Variants in CEP83 observed in about 807,000 individuals in gnomAD.
CEP83 encodes centrosomal protein 83, also known as centrosomal protein of 83 kDa.
Under a neutral mutation model 101.9 loss-of-function variants are expected in CEP83, and 70 were observed. That is an observed-to-expected ratio of 0.69 (90% CI 0.57 to 0.84). CEP83 has a LOEUF of 0.84. Among genes scored for constraint, CEP83 ranks in the 40% least tolerant of loss-of-function variants. The pLI is 0.00. For missense variants in CEP83, 715 were observed against 787.2 expected, an observed-to-expected ratio of 0.91 and a Z score of 1.10; for synonymous variants, 264 against 267.9, an observed-to-expected ratio of 0.99 and a Z score of 0.14.
chr12:94,333,078 C>G (rs1353799704), intron 13 of CEP83, among the ~76,000 whole-genome samples: 4 of 140,620 alleles, frequency 2.8e-5, no homozygotes, highest in Non-Finnish European at 6.3e-5. Flanking sequence ...AATAAATTAG[C>G]TTTTCAAAGA....
chr12:94,459,628 A>C lies in CEP83; in HGVS notation c.-226T>G, dbSNP rs1038620890. The C allele has an allele frequency of 1.3e-5, 2 of 153,226 alleles. No individual in the cohort carries two copies. Among genetic ancestry groups the C allele is most frequent in the Non-Finnish European group, 2.9e-5 (2 of 68,734 alleles). 9.5% of individuals were successfully genotyped at this position (153,226 alleles called of 1,614,324 possible). A position where few individuals can be genotyped will look rare whatever the true frequency, so the allele number is the denominator to read the frequency against. ...GACCGCAGTTCTGGCCGCGCTCGCC[A>C]CCGGGGACACCTCCACAGCTCCAAC... On this transcript the variant is annotated 5_prime_UTR_variant, in exon 1 of 17. Transcript: ENST00000397809.
intron 4 of CEP83, among the ~76,000 whole-genome samples, chr12:94,409,119 T>C (rs2063726270): frequency 6.6e-6 from 1 of 151,940 alleles, no homozygotes; most frequent in African/African-American, 2.4e-5. Context: ...CATTGAAATA[T>C]TTCTTGATCT....
chr12:94,423,788 T>A, intron 2 of CEP83: 1 of 1,613,716 alleles, frequency 6.2e-7, no homozygotes, highest in Non-Finnish European at 8.5e-7. Flanking sequence ...TCTGAGGGTG[T>A]GTCCACTGCC....
chr12:94,424,369 A>C, intron 2 of CEP83: 1 of 1,613,962 alleles, frequency 6.2e-7, no homozygotes, highest in South Asian at 1.1e-5. Context: ...GGGGTGTCTT[A>C]ATATATTTTC....
intron 2 of CEP83, among the ~76,000 whole-genome samples, chr12:94,414,388 G>C (rs1474962746): frequency 1.3e-5 from 2 of 152,184 alleles, no homozygotes; most frequent in Admixed American, 1.3e-4. Flanking sequence ...CTCATTTTAA[G>C]AAACTGCTAC....
chr12:94,346,734 C>A (rs966897368), intron 11 of CEP83, among the ~76,000 whole-genome samples: 3 of 152,188 alleles, frequency 2.0e-5, no homozygotes, highest in African/African-American at 4.8e-5. Flanking sequence ...CACTGCAGAA[C>A]TGAATGCTTG....
chr12:94,451,900 T>C (rs1319352602), intron 1 of CEP83, among the ~76,000 whole-genome samples: 1 of 152,184 alleles, frequency 6.6e-6, no homozygotes, highest in African/African-American at 2.4e-5. Context: ...AACCATCCAA[T>C]GTCTATCACC....
downstream of CEP83, among the ~76,000 whole-genome samples, chr12:94,304,492 G>T (rs1968800498): frequency 6.6e-6 from 1 of 152,140 alleles, no homozygotes; most frequent in Admixed American, 6.5e-5. Context: ...TCTCCTTTAT[G>T]ATTAATTCTC....
intron 11 of CEP83, among the ~76,000 whole-genome samples, chr12:94,343,648 C>G (rs2059803689): frequency 6.7e-6 from 1 of 150,028 alleles, no homozygotes; most frequent in African/African-American, 2.5e-5. Flanking sequence ...CGCCACCGCG[C>G]CCGGCTAATT....
chr12:94,300,018 CT>C, the CEP83 span, among the ~76,000 whole-genome samples: 1 of 152,138 alleles, frequency 6.6e-6, no homozygotes, highest in Non-Finnish European at 1.5e-5. Flanking sequence ...AGGTAATGAG[CT>C]AGGCCAGAGT....
chr12:94,333,555 T>C lies in CEP83; in HGVS notation c.1504A>G (p.Met502Val), dbSNP rs1227393325. 3 of 1,613,878 alleles carry C rather than the reference T, an allele frequency of 1.9e-6. No individual in the cohort carries two copies. The highest frequency in any genetic ancestry group is 2.5e-6 in the Non-Finnish European group (3 of 1,179,834). ...CATTCTTGTTTTAATCTCTCCACCA[T>C]TTCCTTCAGCATTTGGTTTGAATTC... ...LLNSNQMLKE[M>V]VERLKQECRN... is the part of the protein sequence containing the mutation. The change falls in exon 13 of 17, where the codon ATG (methionine) becomes GTG (valine). Residue 502 changes from methionine to valine, a missense_variant. Met to Val is a conservative substitution (Grantham distance 21). Transcript: ENST00000397809.
At chr12:94,318,338 A>G (rs903769559) in intron 14 of CEP83, among the ~76,000 whole-genome samples, 1 of 152,128 alleles carries the variant, frequency 6.6e-6, no homozygotes, top group African/African-American at 2.4e-5. Context: ...CCTAAACATA[A>G]AACCATGTCG....
At position 94,403,225 on chromosome 12, in the gene CEP83, T is replaced by G. The variant is rs1464103660; in HGVS notation, c.362A>C (p.Gln121Pro). 6.3e-7 allele frequency: 1 copy of G among 1,584,488 alleles called. No homozygotes were observed. Among genetic ancestry groups the G allele is most frequent in the East Asian group, 2.2e-5 (1 of 44,588 alleles). ...TPQKLELLRA[Q>P]IQQELETPMR... is the part of the protein sequence containing the mutation. ...TGGAGTTTCTAATTCTTGTTGTATT[T>G]GGGCTCTTAGCAATTCCAATTTTTG... Residue 121 changes from glutamine (Q) to proline (P), a missense_variant, in exon 5 of 17, where the codon CAA becomes CCA. Gln to Pro is a moderately conservative substitution (Grantham distance 76, BLOSUM62 -1). Transcript: ENST00000397809.
intron 2 of CEP83, chr12:94,423,741 C>T: frequency 6.2e-7 from 1 of 1,612,504 alleles, no homozygotes; most frequent in Non-Finnish European, 8.5e-7. Context: ...GGGAATCCCA[C>T]TGTTACTTGT....
At chr12:94,375,759 T>C (rs1481085306) in intron 8 of CEP83, 127 bp downstream of exon 8, 1 of 497,378 alleles carries the variant, frequency 2.0e-6, no homozygotes, top group Non-Finnish European at 3.3e-6. Context: ...AATGTATTTA[T>C]TTCTTAGAAG....
intron 14 of CEP83, among the ~76,000 whole-genome samples, chr12:94,331,357 CTTTTTTTTT>C (rs1161292599): frequency 2.2e-4 from 15 of 66,798 alleles, no homozygotes; most frequent in South Asian, 5.5e-4. Flanking sequence ...ACCTTTTTTC[CTTTTTTTTT>C]TTTTTTTTTT....
intron 6 of CEP83, among the ~76,000 whole-genome samples, chr12:94,383,670 CT>C (rs1276711678): frequency 2.0e-5 from 3 of 152,082 alleles, no homozygotes; most frequent in Non-Finnish European, 4.4e-5. Flanking sequence ...CCATTTTGGT[CT>C]GTTTCTTCTC....
rs374569212 is a variant in CEP83 at position 94,412,587 on chromosome 12, T to A, written c.-97A>T. The A allele has an allele frequency of 2.3e-5, 22 of 949,848 alleles. No homozygotes were observed. In the African/African-American group the frequency reaches 3.3e-4, roughly 14 times the overall value. 58.8% of individuals were successfully genotyped at this position (949,848 alleles called of 1,614,324 possible). ...AAGGCAGAATCTCAGGAAGCCAAAT[T>A]ATACCTGCACAGAGAAATAAACATA... is the stretch of plus-strand genomic sequence containing the variant. On this transcript the variant is annotated 5_prime_UTR_variant, in exon 3 of 17. Coordinates refer to ENST00000397809, the MANE Select transcript of CEP83 (RefSeq NM_016122.3).
At chr12:94,302,955 A>G (rs1166212026), downstream of CEP83, among the ~76,000 whole-genome samples, 1 of 152,182 alleles carries the variant, frequency 6.6e-6, no homozygotes, top group Non-Finnish European at 1.5e-5. Flanking sequence ...AAATCTCAAT[A>G]ATATCTCAGT....
Sources: allele counts gnomAD v4.1 joint callset (sites outside exome capture counted in the v4.1 genomes callset), GRCh38; gene constraint gnomAD v4.1.1; transcripts MANE v1.5; gene names NCBI Gene and HGNC (gene_info 2026-07-23, HGNC 2026-07-21).